The following GABBR2 variants were observed in gnomAD, a reference collection of about 807,000 sequenced individuals.
GABBR2 encodes gamma-aminobutyric acid type B receptor subunit 2.
A neutral mutation model predicts 105.6 loss-of-function variants in GABBR2; 23 were observed. The ratio of observed to expected loss-of-function variants is 0.22; its 90% CI spans 0.16 to 0.31. The LOEUF (loss-of-function observed/expected upper bound fraction) is 0.31. Ranked by LOEUF, GABBR2 falls within the 10% of genes least tolerant of loss-of-function variation. The pLI, the probability that GABBR2 is intolerant of heterozygous loss-of-function variation, is 1.00. For missense variants in GABBR2, 734 were observed against 1,245.5 expected, an observed-to-expected ratio of 0.59 and a Z score of 6.18; for synonymous variants, 478 against 499.7, an observed-to-expected ratio of 0.96 and a Z score of 0.58.
At chr9:98,452,830 T>C (rs1407955806) in intron 7 of GABBR2, among the ~76,000 whole-genome samples, 1 of 152,238 alleles carries the variant, frequency 6.6e-6, no homozygotes, top group African/African-American at 2.4e-5. Flanking sequence ...TATTATGTAA[T>C]GTGTAATCTT....
chr9:98,607,783 G>A, intron 1 of GABBR2: 2 of 791,996 alleles, frequency 2.5e-6, no homozygotes, highest in South Asian at 2.8e-5. Context: ...GACTTATAAT[G>A]GAATTGATAA....
intron 13 of GABBR2, among the ~76,000 whole-genome samples, chr9:98,317,089 GT>G (rs1276972090): frequency 6.6e-6 from 1 of 152,242 alleles, no homozygotes. Context: ...ATATTCAACA[GT>G]GGCTTCCCCT....
intron 1 of GABBR2, among the ~76,000 whole-genome samples, chr9:98,578,573 A>G (rs1828953651): frequency 6.6e-6 from 1 of 152,218 alleles, no homozygotes; most frequent in Non-Finnish European, 1.5e-5. Context: ...AGTTAAACAC[A>G]GAATTGCCAT....
intron 13 of GABBR2, among the ~76,000 whole-genome samples, chr9:98,360,453 T>G (rs1831562844): frequency 6.6e-6 from 1 of 152,168 alleles, no homozygotes; most frequent in Non-Finnish European, 1.5e-5. Flanking sequence ...CAGCACACCC[T>G]GCAGGGAGAC....
chr9:98,697,211 G>A (rs377574313), intron 1 of GABBR2, among the ~76,000 whole-genome samples: 12 of 152,288 alleles, frequency 7.9e-5, no homozygotes, highest in African/African-American at 2.9e-4. Flanking sequence ...AGCAAGGACC[G>A]CCGGGCGCGG....
chr9:98,682,573 G>A (rs1316140709), intron 1 of GABBR2, among the ~76,000 whole-genome samples: 1 of 151,790 alleles, frequency 6.6e-6, no homozygotes, highest in Admixed American at 6.6e-5. Flanking sequence ...ACATGGTTTT[G>A]CCATGTTGAA....
intron 1 of GABBR2, among the ~76,000 whole-genome samples, chr9:98,589,993 T>C (rs953413183): frequency 6.6e-6 from 1 of 152,312 alleles, no homozygotes; most frequent in South Asian, 2.1e-4. Context: ...CCTTCCAAAG[T>C]GCTAGGATAA....
chr9:98,493,469 A>G (rs2184024), intron 4 of GABBR2, among the ~76,000 whole-genome samples: 3 of 152,032 alleles, frequency 2.0e-5, no homozygotes, highest in African/African-American at 7.3e-5. Flanking sequence ...CAGTATCCAC[A>G]ACTGTTATCC....
intron 7 of GABBR2, among the ~76,000 whole-genome samples, chr9:98,442,564 A>C (rs1364136362): frequency 6.6e-6 from 1 of 152,082 alleles, no homozygotes; most frequent in East Asian, 1.9e-4. Context: ...TACCTCCTTA[A>C]CCTCTTAGCT....
intron 1 of GABBR2, among the ~76,000 whole-genome samples, chr9:98,643,495 G>A (rs1829994491): frequency 6.6e-6 from 1 of 152,216 alleles, no homozygotes; most frequent in Non-Finnish European, 1.5e-5. Context: ...AGAGAAGAGA[G>A]CCTATTCTGC....
intron 7 of GABBR2, among the ~76,000 whole-genome samples, chr9:98,435,197 C>A (rs1001433779): frequency 2.0e-5 from 3 of 152,188 alleles, no homozygotes; most frequent in African/African-American, 7.2e-5. Context: ...TGCACCATTC[C>A]ATTTTCTCTG....
At chr9:98,425,114 T>C (rs906781623) in intron 7 of GABBR2, among the ~76,000 whole-genome samples, 2 of 151,964 alleles carry the variant, frequency 1.3e-5, no homozygotes, top group East Asian at 1.9e-4. Context: ...TACATTTACA[T>C]AAATACAAAT....
At chr9:98,428,297 T>G (rs1021160850) in intron 7 of GABBR2, among the ~76,000 whole-genome samples, 1 of 151,980 alleles carries the variant, frequency 6.6e-6, no homozygotes, top group African/African-American at 2.4e-5. Flanking sequence ...TCACTGGAGA[T>G]TCAACAAAGT....
intron 13 of GABBR2, among the ~76,000 whole-genome samples, chr9:98,326,681 T>A (rs887292022): frequency 6.6e-6 from 1 of 152,170 alleles, no homozygotes; most frequent in African/African-American, 2.4e-5. Context: ...ACAGCTGGAT[T>A]TTGTGTGAGT....
At chr9:98,463,810 A>C (rs948547025) in intron 6 of GABBR2, among the ~76,000 whole-genome samples, 2 of 151,748 alleles carry the variant, frequency 1.3e-5, no homozygotes, top group African/African-American at 2.4e-5. Flanking sequence ...TGGTTTTTGT[A>C]TTTTTGGTGG....
chr9:98,345,570 T>G (rs1414850738), intron 13 of GABBR2, among the ~76,000 whole-genome samples: 1 of 152,162 alleles, frequency 6.6e-6, no homozygotes, highest in Non-Finnish European at 1.5e-5. Flanking sequence ...CTCCCACCAC[T>G]CCTATTCAAC....
intron 1 of GABBR2, among the ~76,000 whole-genome samples, chr9:98,618,394 T>C (rs1829617834): frequency 6.6e-6 from 1 of 151,858 alleles, no homozygotes; most frequent in African/African-American, 2.4e-5. Flanking sequence ...GATGAAACAA[T>C]AGTATCTCTA....
intron 6 of GABBR2, among the ~76,000 whole-genome samples, chr9:98,457,158 C>G (rs942232298): frequency 6.6e-6 from 1 of 152,238 alleles, no homozygotes; most frequent in East Asian, 1.9e-4. Flanking sequence ...TTTGACTTCT[C>G]TTTTGGATTT....
chr9:98,445,530 G>A lies in GABBR2; in HGVS notation c.1236+8451C>T, dbSNP rs985919610. Among the ~76,000 whole-genome samples, 78 of 152,252 alleles carry A rather than the reference G, an allele frequency of 5.1e-4. 1 individual carries two copies. The highest frequency in any genetic ancestry group is 4.8e-3 in the Admixed American group (73 of 15,288). ...AATCACATGTCAGTAATTTGTTAAC[G>A]ACGTGTTCTCGGAAGAAACCTGTAA... On this transcript the variant is annotated intron_variant, in intron 7 of 18. Coordinates refer to ENST00000259455, the MANE Select transcript of GABBR2 (RefSeq NM_005458.8).
Sources: allele counts gnomAD v4.1 joint callset (sites outside exome capture counted in the v4.1 genomes callset), GRCh38; gene constraint gnomAD v4.1.1; transcripts MANE v1.5; gene names NCBI Gene and HGNC (gene_info 2026-07-23, HGNC 2026-07-21).